Variants in KDM7A observed in about 807,000 individuals in gnomAD.
The protein encoded by KDM7A is lysine-specific demethylase 7A.
In KDM7A, 28 loss-of-function variants were observed where a neutral mutation model predicts 114.8. The observed-to-expected ratio is 0.24, with a 90% CI of 0.18 to 0.33. The LOEUF (loss-of-function observed/expected upper bound fraction) is 0.33. KDM7A is among the 10% of genes least tolerant of loss of function. KDM7A has a pLI of 1.00. For missense variants in KDM7A, 942 were observed against 1,142.5 expected, an observed-to-expected ratio of 0.82 and a Z score of 2.53; for synonymous variants, 423 against 397.8, an observed-to-expected ratio of 1.06 and a Z score of -0.75.
chr7:140,143,980 T>A (rs1474390071), intron 1 of KDM7A, among the ~76,000 whole-genome samples: 1 of 152,256 alleles, frequency 6.6e-6, no homozygotes, highest in Non-Finnish European at 1.5e-5. Context: ...ATAAATGTTA[T>A]ACAAAATTGT....
rs1817907422 is a variant in KDM7A at position 140,085,267 on chromosome 7, G to C, written c.*5827C>G. On this transcript the variant is annotated 3_prime_UTR_variant, in exon 20 of 20. Transcript: ENST00000397560. ...CCTCGGACCGTGGGCATAAAAACCAGTAAGAAAAGTCAGTCAGGCTAGCAA... is the reference window on the plus strand; with the variant it reads ...CCTCGGACCGTGGGCATAAAAACCACTAAGAAAAGTCAGTCAGGCTAGCAA... 1 of 152,166 alleles carries C rather than the reference G, an allele frequency of 6.6e-6. No homozygotes were observed. The highest frequency in any genetic ancestry group is 1.5e-5 in the Non-Finnish European group (1 of 68,048). 9.4% of individuals were successfully genotyped at this position (152,166 alleles called of 1,614,324 possible).
At chr7:140,095,661 T>C (rs1278982143) in intron 17 of KDM7A, 1 of 281,818 alleles carries the variant, frequency 3.5e-6, no homozygotes, top group South Asian at 2.8e-5. Context: ...GAGGATCACT[T>C]GAGCTCAGGA....
At chr7:140,091,639 C>T (rs1018357867) in intron 19 of KDM7A, among the ~76,000 whole-genome samples, 165 bp downstream of exon 19, 1 of 152,160 alleles carries the variant, frequency 6.6e-6, no homozygotes, top group African/African-American at 2.4e-5. Context: ...ACTTGGGTAT[C>T]CTTTTTCTTT....
chr7:140,106,317 G>A (rs865875408), intron 11 of KDM7A, among the ~76,000 whole-genome samples: 5 of 151,922 alleles, frequency 3.3e-5, no homozygotes, highest in Middle Eastern at 3.4e-3. Context: ...GTTATTTCTT[G>A]CCTTCTGCTA....
chr7:140,093,903 T>C (rs1002485437), intron 18 of KDM7A, among the ~76,000 whole-genome samples, 153 bp downstream of exon 18: 2 of 152,216 alleles, frequency 1.3e-5, no homozygotes, highest in Non-Finnish European at 2.9e-5. Context: ...TCTCTCAAAA[T>C]GGACAGTTGT....
intron 1 of KDM7A, among the ~76,000 whole-genome samples, chr7:140,144,993 T>G (rs1347919619): frequency 6.6e-6 from 1 of 152,142 alleles, no homozygotes; most frequent in African/African-American, 2.4e-5. Flanking sequence ...GAGCAGATGC[T>G]GGCACCACGC....
chr7:140,115,586 T>C (rs1212704520), intron 9 of KDM7A, among the ~76,000 whole-genome samples: 1 of 152,080 alleles, frequency 6.6e-6, no homozygotes, highest in Admixed American at 6.5e-5. Context: ...AAACAGATGC[T>C]TGAAGGTAGC....
chr7:140,097,417 C>A, intron 15 of KDM7A, 128 bp downstream of exon 15: 1 of 578,662 alleles, frequency 1.7e-6, no homozygotes, highest in South Asian at 2.2e-5. Context: ...CCACAGAAGA[C>A]CCTGTGCTAA....
At chr7:140,092,142 A>G in intron 18 of KDM7A, 65 bp from the exon 19 acceptor site, 4 of 1,468,990 alleles carry the variant, frequency 2.7e-6, no homozygotes, top group Non-Finnish European at 3.8e-6. Context: ...TAAGCTCTCT[A>G]TGCATTGGCA....
chr7:140,118,157 ATAG>A (rs1319864382), intron 9 of KDM7A, among the ~76,000 whole-genome samples: 3 of 152,260 alleles, frequency 2.0e-5, no homozygotes, highest in Non-Finnish European at 4.4e-5. Flanking sequence ...GTCAATTATA[ATAG>A]TAGCACTATT....
chr7:140,102,834 A>C (rs921677215), intron 11 of KDM7A, among the ~76,000 whole-genome samples: 2 of 152,210 alleles, frequency 1.3e-5, no homozygotes, highest in African/African-American at 4.8e-5. Context: ...TTTTAAACTA[A>C]AATTATACAT....
At chr7:140,170,221 A>G (rs1192403568) in intron 1 of KDM7A, among the ~76,000 whole-genome samples, 3 of 152,100 alleles carry the variant, frequency 2.0e-5, no homozygotes, top group Non-Finnish European at 4.4e-5. Context: ...TTAAATTATA[A>G]AACTTTTCAA....
Position 140,144,473 on chromosome 7 carries a change from G to A in KDM7A, c.195-5283C>T, listed in dbSNP as rs557323776. On this transcript the variant is annotated intron_variant, in intron 1 of 19. Transcript: ENST00000397560. ...TTGAGATCTGACACCAAAAGCACAC[G>A]GGACAAAAGAAAAAGTAGATAAACT... is the stretch of plus-strand genomic sequence containing the variant. Among the ~76,000 whole-genome samples the A allele has an allele frequency of 6.6e-4, 101 of 152,126 alleles. 1 individual carries two copies. In the South Asian group the frequency reaches 0.019, roughly 29 times the overall value.
chr7:140,154,485 C>G (rs1157062469), intron 1 of KDM7A, among the ~76,000 whole-genome samples: 2 of 138,442 alleles, frequency 1.4e-5, no homozygotes, highest in African/African-American at 2.7e-5. Flanking sequence ...AAGTAAGACT[C>G]TGTCTCTTAA....
In KDM7A at chr7:140,139,011, C is replaced by T. The variant is rs1818912639; in HGVS notation, c.280+94G>A. The T allele has an allele frequency of 5.1e-6, 4 of 790,708 alleles. No individual in the cohort carries two copies. In the South Asian group the frequency reaches 6.4e-5, roughly 13 times the overall value. 49.0% of individuals were successfully genotyped at this position (790,708 alleles called of 1,614,324 possible). A position where few individuals can be genotyped will look rare whatever the true frequency, so the allele number is the denominator to read the frequency against. On this transcript the variant is annotated intron_variant, in intron 2 of 19. Coordinates refer to ENST00000397560, the MANE Select transcript of KDM7A (RefSeq NM_030647.2). ...GTTCTTGAAGGGTGTAATATAACTC[C>T]TCAGAGTATCATTAAAGTATTACCA...
intron 1 of KDM7A, among the ~76,000 whole-genome samples, chr7:140,143,554 A>G (rs531290950): frequency 1.3e-5 from 2 of 152,354 alleles, no homozygotes; most frequent in Non-Finnish European, 2.9e-5. Flanking sequence ...ACCCACAACC[A>G]TGTAAAAAAT....
chr7:140,157,874 C>G (rs1794475549), intron 1 of KDM7A, among the ~76,000 whole-genome samples: 1 of 151,376 alleles, frequency 6.6e-6, no homozygotes, highest in Admixed American at 6.6e-5. Context: ...GAGGCCAAGA[C>G]AGAAGAATTG....
At chr7:140,125,738 T>C (rs1196336329) in intron 6 of KDM7A, among the ~76,000 whole-genome samples, 1 of 150,912 alleles carries the variant, frequency 6.6e-6, no homozygotes, top group Non-Finnish European at 1.5e-5. Context: ...GGCTAATTTT[T>C]TAATTTTTAC....
chr7:140,093,662 CA>C (rs538793463), intron 18 of KDM7A, among the ~76,000 whole-genome samples: 58 of 152,292 alleles, frequency 3.8e-4, no homozygotes, highest in African/African-American at 1.4e-3. Context: ...TCTAGAAAGA[CA>C]ATCTGTAACT....
Sources: allele counts gnomAD v4.1 joint callset (sites outside exome capture counted in the v4.1 genomes callset), GRCh38; gene constraint gnomAD v4.1.1; transcripts MANE v1.5; gene names NCBI Gene and HGNC (gene_info 2026-07-23, HGNC 2026-07-21).